Variants in TSGA13 observed in about 807,000 individuals in gnomAD.
The protein encoded by TSGA13 is testis-specific gene 13 protein.
In TSGA13, 37 loss-of-function variants were observed where a neutral mutation model predicts 35.1. That is an observed-to-expected ratio of 1.05 (90% CI 0.81 to 1.39). TSGA13 has a LOEUF of 1.39. Ranked by LOEUF, TSGA13 falls within the 40% of genes most tolerant of loss-of-function variation. The pLI, the probability that TSGA13 is intolerant of heterozygous loss-of-function variation, is 0.00. For missense variants in TSGA13, 338 were observed against 328.5 expected, an observed-to-expected ratio of 1.03 and a Z score of -0.22; for synonymous variants, 124 against 121.2, an observed-to-expected ratio of 1.02 and a Z score of -0.15.
chr7:130,673,490 C>T (rs1187920523), intron 5 of TSGA13, among the ~76,000 whole-genome samples: 1 of 152,152 alleles, frequency 6.6e-6, no homozygotes, highest in East Asian at 1.9e-4. Flanking sequence ...CTTTGATCAG[C>T]CAATAGATAT....
Position 130,668,857 on chromosome 7 carries a change from C to T in TSGA13, c.*157G>A. ...CCGGGACGCAGCCACGCCCCCTTCT[C>T]CTCTTGCGGCCCGCCGGAGACTTCG... On this transcript the variant is annotated 3_prime_UTR_variant, in exon 8 of 8. Coordinates refer to ENST00000356588, the MANE Select transcript of TSGA13 (RefSeq NM_052933.4). 1.5e-6 allele frequency: 2 copies of T among 1,348,384 alleles called. No homozygotes were observed. Among genetic ancestry groups the T allele is most frequent in the Admixed American group, 2.5e-5 (1 of 40,776 alleles). 83.5% of individuals were successfully genotyped at this position (1,348,384 alleles called of 1,614,324 possible).
At chr7:130,680,895 A>G (rs2080536823) in intron 4 of TSGA13, 51 bp downstream of exon 4, 2 of 1,558,996 alleles carry the variant, frequency 1.3e-6, no homozygotes, top group Non-Finnish European at 1.8e-6. Flanking sequence ...CATCTGCACC[A>G]CTGCTGAAAC....
intron 7 of TSGA13, 64 bp from the exon 8 acceptor site, chr7:130,669,247 T>A: frequency 6.2e-7 from 1 of 1,601,230 alleles, no homozygotes; most frequent in Non-Finnish European, 8.5e-7. Context: ...GGATACTTAA[T>A]GTGAGATGTA....
At chr7:130,677,525 A>G (rs1796442521) in intron 5 of TSGA13, among the ~76,000 whole-genome samples, 1 of 151,762 alleles carries the variant, frequency 6.6e-6, no homozygotes, top group African/African-American at 2.4e-5. Context: ...CCCAGGTTCA[A>G]GCGATTCTCC....
At position 130,669,045 on chromosome 7, in the gene TSGA13, C is replaced by A. The variant is rs782236550; in HGVS notation, c.797G>T (p.Trp266Leu). The A allele has an allele frequency of 1.9e-6, 3 of 1,614,172 alleles. No individual in the cohort carries two copies. Among genetic ancestry groups the A allele is most frequent in the Non-Finnish European group, 2.5e-6 (3 of 1,180,018 alleles). ...SAFRNGRAPQ[W>L]IIKKATVIG The stretch of plus-strand genomic sequence containing the variant: ...GATGACCGTGGCCTTTTTGATAATC[C>A]ACTGCGGGGCCCTCCCGTTGCGGAA... Residue 266 changes from tryptophan (W) to leucine (L), a missense_variant, in exon 8 of 8, where the codon TGG becomes TTG. Trp to Leu is a moderately conservative substitution (Grantham distance 61). Coordinates refer to ENST00000356588, the MANE Select transcript of TSGA13 (RefSeq NM_052933.4).
chr7:130,679,252 A>C lies in TSGA13; in HGVS notation c.290T>G (p.Leu97Arg). 1 of 1,614,198 alleles carries C rather than the reference A, an allele frequency of 6.2e-7. No homozygotes were observed. Among genetic ancestry groups the C allele is most frequent in the Non-Finnish European group, 8.5e-7 (1 of 1,180,032 alleles). Residue 97 changes from leucine to arginine, a missense_variant, in exon 5 of 8, where the codon CTG (leucine) becomes CGG (arginine). Transcript: ENST00000356588. ...GGGAGGTGGGTTGTTGGTCATAATC[A>C]GTAACGTCTTATCCTGGTCATACTG... ...VTQYDQDKTL[L>R]IMTNNPPPCS...
intron 6 of TSGA13, 53 bp downstream of exon 6, chr7:130,672,681 G>A (rs1796306542): frequency 6.3e-7 from 1 of 1,588,614 alleles, no homozygotes; most frequent in Non-Finnish European, 8.6e-7. Flanking sequence ...CCAGAAACGT[G>A]AATAGGGAAA....
intron 3 of TSGA13, among the ~76,000 whole-genome samples, chr7:130,681,751 T>G (rs1796552088): frequency 6.6e-6 from 1 of 152,168 alleles, no homozygotes; most frequent in Non-Finnish European, 1.5e-5. Flanking sequence ...TCCATTCCCT[T>G]TCTGCTGACC....
chr7:130,668,850 C>A lies in TSGA13; in HGVS notation c.*164G>T. 1 of 1,330,194 alleles carries A rather than the reference C, an allele frequency of 7.5e-7. No homozygotes were observed. 82.4% of individuals were successfully genotyped at this position (1,330,194 alleles called of 1,614,324 possible). On this transcript the variant is annotated 3_prime_UTR_variant, in exon 8 of 8. Transcript: ENST00000356588. ...TCGGCCCCCGGGACGCAGCCACGCC[C>A]CCTTCTCCTCTTGCGGCCCGCCGGA...
At chr7:130,669,242 C>CT (rs1796187745) in intron 7 of TSGA13, 59 bp from the exon 8 acceptor site, 2 of 1,606,138 alleles carry the variant, frequency 1.2e-6, no homozygotes, top group Non-Finnish European at 1.7e-6. Flanking sequence ...TCGAAGGATA[C>CT]TTAATGTGAG....
chr7:130,673,980 AGCTACTTGGGAGGCTGAG>A (rs1197708152), intron 5 of TSGA13, among the ~76,000 whole-genome samples: 1 of 151,556 alleles, frequency 6.6e-6, no homozygotes. Context: ...CTATATTCCC[AGCTACTTGGGAGGCTGAG>A]GCAGGAGAAT....
intron 5 of TSGA13, among the ~76,000 whole-genome samples, chr7:130,673,555 A>G (rs1796334384): frequency 6.6e-6 from 1 of 152,162 alleles, no homozygotes; most frequent in African/African-American, 2.4e-5. Flanking sequence ...TCCTTCTTCC[A>G]TAGAGTCCTT....
At chr7:130,682,534 C>T (rs1052360308) in intron 3 of TSGA13, among the ~76,000 whole-genome samples, 3 of 152,134 alleles carry the variant, frequency 2.0e-5, no homozygotes, top group African/African-American at 4.8e-5. Context: ...TGAGCCACCA[C>T]GCCCAGCCTG....
At chr7:130,674,711 A>G (rs1796369615) in intron 5 of TSGA13, among the ~76,000 whole-genome samples, 1 of 152,224 alleles carries the variant, frequency 6.6e-6, no homozygotes, top group Admixed American at 6.5e-5. Context: ...TGTTGAATGA[A>G]TAAATGACCA....
chr7:130,677,309 T>G lies in TSGA13; in HGVS notation c.387+1846A>C, dbSNP rs559283855. Among the ~76,000 whole-genome samples the G allele has an allele frequency of 2.0e-5, 3 of 152,342 alleles. No individual in the cohort carries two copies. The East Asian group carries it at 5.8e-4, about 29-fold the overall frequency. On this transcript the variant is annotated intron_variant, in intron 5 of 7. Transcript: ENST00000356588. ...ATTTTAGTAACATTATAACTCATCT[T>G]TCTGGGTTTTGTCTCTTCCACAACT...
chr7:130,676,014 GT>G (rs782513641), intron 5 of TSGA13, among the ~76,000 whole-genome samples: 3 of 152,172 alleles, frequency 2.0e-5, no homozygotes, highest in Non-Finnish European at 4.4e-5. Context: ...GGAGACTGTG[GT>G]AGGGTCAGTT....
In TSGA13 at chr7:130,671,794, C is replaced by T. The variant is rs782543717; in HGVS notation, c.531-6G>A. 13 of 1,572,862 alleles carry T rather than the reference C, an allele frequency of 8.3e-6. No homozygotes were observed. The African/African-American group carries it at 1.5e-4, about 18-fold the overall frequency. ...AATCATTGTCAGTGGAAAACCTTAACAAAGAAAGTTCTTTGTTTAGTAGAT... is the reference window on the plus strand; with the variant it reads ...AATCATTGTCAGTGGAAAACCTTAATAAAGAAAGTTCTTTGTTTAGTAGAT... On this transcript the variant is annotated splice_region_variant and splice_polypyrimidine_tract_variant and intron_variant, in intron 6 of 7. Coordinates refer to ENST00000356588, the MANE Select transcript of TSGA13 (RefSeq NM_052933.4).
intron 3 of TSGA13, among the ~76,000 whole-genome samples, chr7:130,683,102 T>C (rs970186702): frequency 6.6e-6 from 1 of 152,232 alleles, no homozygotes; most frequent in Admixed American, 6.5e-5. Context: ...CTGAAGTTTT[T>C]TGAAGTATTG....
chr7:130,683,523 T>A, intron 3 of TSGA13, 71 bp downstream of exon 3: 5 of 1,420,538 alleles, frequency 3.5e-6, no homozygotes, highest in Non-Finnish European at 4.8e-6. Context: ...GTTTGTGATA[T>A]CCAGCTTATT....
Sources: gnomAD v4.1 joint callset for allele counts (sites outside exome capture counted in the v4.1 genomes callset) on GRCh38, gnomAD v4.1.1 for gene constraint, MANE v1.5 for transcripts, NCBI Gene and HGNC (gene_info 2026-07-23, HGNC 2026-07-21) for gene names.